The following TXNDC12 variants were observed in gnomAD, a reference collection of about 807,000 sequenced individuals.
The protein encoded by TXNDC12 is thioredoxin domain containing 12.
In TXNDC12, 22 loss-of-function variants were observed where a neutral mutation model predicts 24.2. The ratio of observed to expected loss-of-function variants is 0.91; its 90% CI spans 0.65 to 1.30. TXNDC12 has a LOEUF of 1.30. Among genes scored for constraint, TXNDC12 ranks in the 50% most tolerant of loss-of-function variants. The probability of loss-of-function intolerance (pLI) is 0.00; values close to 1 mark genes in which losing one functional copy is unlikely to be tolerated. For synonymous variants in TXNDC12, 58 were observed against 73.4 expected (o/e 0.79, Z 1.07); for missense variants, 184 against 205.8 (o/e 0.89, Z 0.65).
rs1685653795 is a variant in TXNDC12 at position 52,025,116 on chromosome 1, G to A, written c.286-537C>T. On this transcript the variant is annotated intron_variant, in intron 4 of 6. Transcript: ENST00000371626. ...TTCCTAGTACCTACATCATTGACTT[G>A]CACATAGTATTTCTTTAGTGCATGA... Among the ~76,000 whole-genome samples the A allele has an allele frequency of 4.6e-5, 7 of 152,176 alleles. No homozygotes were observed. The South Asian group carries it at 1.4e-3, about 32-fold the overall frequency.
chr1:52,041,875 A>G (rs1351112767), intron 1 of TXNDC12, among the ~76,000 whole-genome samples: 3 of 152,270 alleles, frequency 2.0e-5, no homozygotes, highest in Non-Finnish European at 4.4e-5. Flanking sequence ...ATCACGGAAT[A>G]TGCTAATAAT....
At chr1:52,042,583 C>T (rs1246871355) in intron 1 of TXNDC12, among the ~76,000 whole-genome samples, 1 of 151,948 alleles carries the variant, frequency 6.6e-6, no homozygotes, top group South Asian at 2.1e-4. Context: ...GCCTCAGCCT[C>T]CTGAGTAGCT....
At chr1:52,046,416 G>C (rs1686090174) in intron 1 of TXNDC12, among the ~76,000 whole-genome samples, 1 of 152,084 alleles carries the variant, frequency 6.6e-6, no homozygotes, top group African/African-American at 2.4e-5. Flanking sequence ...TTTTGCTATG[G>C]ATATGGGATA....
At chr1:52,034,457 A>G (rs1291713691) in intron 2 of TXNDC12, among the ~76,000 whole-genome samples, 1 of 152,222 alleles carries the variant, frequency 6.6e-6, no homozygotes, top group Non-Finnish European at 1.5e-5. Flanking sequence ...TTGCCAGATA[A>G]AATACAGGAT....
intron 1 of TXNDC12, among the ~76,000 whole-genome samples, chr1:52,053,724 G>A (rs1244857844): frequency 6.6e-6 from 1 of 152,114 alleles, no homozygotes. Context: ...GGGATTGTCA[G>A]TATTTAAAAC....
chr1:52,033,444 G>A (rs1302156669), intron 2 of TXNDC12: 2 of 1,613,054 alleles, frequency 1.2e-6, no homozygotes, highest in Non-Finnish European at 1.7e-6. Flanking sequence ...GCCGTACGCA[G>A]TAGACCAGGC....
intron 5 of TXNDC12, 42 bp downstream of exon 5, chr1:52,024,468 C>T: frequency 6.8e-7 from 1 of 1,462,918 alleles, no homozygotes; most frequent in Non-Finnish European, 9.6e-7. Flanking sequence ...TTTCTCTCTC[C>T]ATCCACATCA....
intron 1 of TXNDC12, among the ~76,000 whole-genome samples, chr1:52,046,671 T>C (rs1189853868): frequency 6.7e-6 from 1 of 149,596 alleles, no homozygotes; most frequent in Non-Finnish European, 1.5e-5. Context: ...AGGTCAGGAG[T>C]TCGAGACCAG....
chr1:52,028,583 C>T lies in TXNDC12; in HGVS notation c.206G>A (p.Cys69Tyr). Reference protein sequence around the residue: ...VIIHKSWCGACKALKPKFAES... With the variant: ...VIIHKSWCGAYKALKPKFAES... ...GATTGAGCATTTGCACTTACCTTTG[C>T]AAGCTCCACACCAGGATTTATGAAT... is the stretch of plus-strand genomic sequence containing the variant. The change falls in exon 3 of 7, where the codon TGC becomes TAC. Residue 69 changes from cysteine to tyrosine, a missense_variant. Coordinates refer to ENST00000371626, the MANE Select transcript of TXNDC12 (RefSeq NM_015913.4). The T allele has an allele frequency of 6.2e-7, 1 of 1,612,438 alleles. No individual in the cohort carries two copies. The highest frequency in any genetic ancestry group is 8.5e-7 in the Non-Finnish European group (1 of 1,179,468).
chr1:52,032,740 A>C (rs1347539132), intron 2 of TXNDC12: 1 of 1,613,754 alleles, frequency 6.2e-7, no homozygotes, highest in South Asian at 1.1e-5. Context: ...CATGTTGGCC[A>C]GTTGCGGCAA....
At chr1:52,044,324 C>T (rs934876653) in intron 1 of TXNDC12, 1 of 152,226 alleles carries the variant, frequency 6.6e-6, no homozygotes, top group African/African-American at 2.4e-5. Flanking sequence ...GGAGATGAAT[C>T]TGAAACTCCC....
Position 52,020,949 on chromosome 1 carries a change from A to G in TXNDC12, c.503T>C (p.Leu168Pro). The change falls in exon 7 of 7, where the codon CTT becomes CCT. Residue 168 changes from leucine (L) to proline (P), a missense_variant. Transcript: ENST00000371626. ...LTGDAFRKKHLEDEL is the reference protein window; with the variant it reads ...LTGDAFRKKHPEDEL The stretch of plus-strand genomic sequence containing the variant: ...ACATTCATGTTACAATTCATCTTCA[A>G]GATGTTTCTTTCTGAAGGCATCACC... 6.2e-7 allele frequency: 1 copy of G among 1,613,930 alleles called. No homozygotes were observed. Among genetic ancestry groups the G allele is most frequent in the South Asian group, 1.1e-5 (1 of 91,064 alleles).
At chr1:52,022,144 TCTC>T (rs1344244855) in intron 6 of TXNDC12, among the ~76,000 whole-genome samples, 1 of 152,076 alleles carries the variant, frequency 6.6e-6, no homozygotes, top group African/African-American at 2.4e-5. Flanking sequence ...CTTCTACAGA[TCTC>T]CTCCCCGTCC....
At chr1:52,027,467 A>G (rs1389635250) in intron 3 of TXNDC12, 119 bp from the exon 4 acceptor site, 3 of 762,150 alleles carry the variant, frequency 3.9e-6, no homozygotes, top group Admixed American at 2.7e-5. Flanking sequence ...GTTGATTCAT[A>G]TAACAAACTT....
chr1:52,041,998 GTCCATGAC>G (rs1292555694), intron 1 of TXNDC12, among the ~76,000 whole-genome samples: 1 of 152,116 alleles, frequency 6.6e-6, no homozygotes, highest in Non-Finnish European at 1.5e-5. Context: ...AAAGACCTAG[GTCCATGAC>G]TCCACTTCCT....
At chr1:52,032,858 C>A in intron 2 of TXNDC12, 1 of 1,614,224 alleles carries the variant, frequency 6.2e-7, no homozygotes, top group Non-Finnish European at 8.5e-7. Flanking sequence ...TCTGTGGTAC[C>A]AGGAAGCGTG....
intron 3 of TXNDC12, 75 bp downstream of exon 3, chr1:52,028,503 G>T: frequency 8.4e-7 from 1 of 1,194,360 alleles, no homozygotes; most frequent in Non-Finnish European, 1.2e-6. Flanking sequence ...GCCAGAGTCA[G>T]TGCCAATATT....
chr1:52,053,596 G>A (rs1419597701), intron 1 of TXNDC12, among the ~76,000 whole-genome samples: 1 of 152,058 alleles, frequency 6.6e-6, no homozygotes, highest in African/African-American at 2.4e-5. Flanking sequence ...CCCAGGAGGC[G>A]GAGGTTGCAG....
At position 52,041,611 on chromosome 1, in the gene TXNDC12, A is replaced by G. The variant is rs1685991465; in HGVS notation, c.98-14T>C. On this transcript the variant is annotated splice_polypyrimidine_tract_variant and intron_variant, in intron 1 of 6. Transcript: ENST00000371626. ...GATCTCCAAAACCTGGAAGGAAAGA[A>G]CTTTATAAGCATTCACATAATGAAC... is the stretch of plus-strand genomic sequence containing the variant. 4.4e-6 allele frequency: 7 copies of G among 1,592,864 alleles called. No individual in the cohort carries two copies. Among genetic ancestry groups the G allele is most frequent in the Non-Finnish European group, 6.0e-6 (7 of 1,163,418 alleles).
Sources: gnomAD v4.1 joint callset for allele counts (sites outside exome capture counted in the v4.1 genomes callset) on GRCh38, gnomAD v4.1.1 for gene constraint, MANE v1.5 for transcripts, NCBI Gene and HGNC (gene_info 2026-07-23, HGNC 2026-07-21) for gene names.